RNF44: variants seen among roughly 807,000 people sequenced by gnomAD.
RNF44 encodes the protein ring finger protein 44.
In RNF44, 25 loss-of-function variants were observed where a neutral mutation model predicts 53.6. The observed-to-expected ratio is 0.47, with a 90% CI of 0.34 to 0.65. The LOEUF is 0.65. Ranked by LOEUF, RNF44 falls within the 30% of genes least tolerant of loss-of-function variation. The probability of loss-of-function intolerance (pLI) is 0.01; values close to 1 mark genes in which losing one functional copy is unlikely to be tolerated. For missense variants in RNF44, 581 were observed against 595.5 expected (o/e 0.98, Z 0.25); for synonymous variants, 282 against 252.2 (o/e 1.12, Z -1.12).
rs528071340 is a variant in RNF44 at position 176,532,211 on chromosome 5, G to A, written c.108-18C>T. 9.2e-5 allele frequency: 138 copies of A among 1,495,522 alleles called. 1 individual carries two copies. In the South Asian group the frequency reaches 1.2e-3, roughly 13 times the overall value. 92.6% of individuals were successfully genotyped at this position (1,495,522 alleles called of 1,614,324 possible). On this transcript the variant is annotated intron_variant, in intron 2 of 10. Coordinates refer to ENST00000274811, the MANE Select transcript of RNF44 (RefSeq NM_014901.5). The stretch of plus-strand genomic sequence containing the variant: ...GGCCAGGGCTGCACCACAGAGAGGA[G>A]GCCCCGATAGGACTGAGGGGGGCCA...
intron 9 of RNF44, 35 bp from the exon 10 acceptor site, chr5:176,529,422 A>G: frequency 6.2e-7 from 1 of 1,604,042 alleles, no homozygotes; most frequent in Non-Finnish European, 8.5e-7. Flanking sequence ...CTCCACGCTG[A>G]GGGCCATGGG....
Position 176,529,639 on chromosome 5 carries a change from G to A in RNF44, c.1020C>T (p.Leu340=). The A allele has an allele frequency of 1.2e-6, 2 of 1,613,906 alleles. No individual in the cohort carries two copies. Among genetic ancestry groups the A allele is most frequent in the Non-Finnish European group, 1.7e-6 (2 of 1,179,966 alleles). Residue 340 remains leucine (L), a synonymous_variant, in exon 9 of 11, where the codon CTC becomes CTT. Transcript: ENST00000274811. ...DDVEMENYEA[L]LNLAERLGDA... is the part of the protein sequence containing the mutation. ...CTCCCAGCCGCTCGGCCAGGTTCAGGAGGGCCTGCATGCGGGCAGGAGACG... is the reference window on the plus strand; with the variant it reads ...CTCCCAGCCGCTCGGCCAGGTTCAGAAGGGCCTGCATGCGGGCAGGAGACG...
chr5:176,530,509 A>G (rs1756542990), intron 6 of RNF44, 73 bp downstream of exon 6: 1 of 1,341,422 alleles, frequency 7.5e-7, no homozygotes, highest in Non-Finnish European at 9.6e-7. Context: ...CTGGGAGCCC[A>G]GATGCAGGTC....
Position 176,531,800 on chromosome 5 carries a change from A to G in RNF44, c.298-170T>C. ...CTCTACTCCCAGGCCCCCGGGGCAG[A>G]GAAAGCCCCGTGGGAATCTAGCTCT... is the stretch of plus-strand genomic sequence containing the variant. On this transcript the variant is annotated intron_variant, in intron 3 of 10. Coordinates refer to ENST00000274811, the MANE Select transcript of RNF44 (RefSeq NM_014901.5). This position sits in a 1 kb window ranked among gnomAD's most constrained non-coding sequence, Gnocchi z 4.2. 1 of 869,618 alleles carries G rather than the reference A, an allele frequency of 1.1e-6. No homozygotes were observed. Among genetic ancestry groups the G allele is most frequent in the Non-Finnish European group, 1.7e-6 (1 of 579,130 alleles). The allele number at this position is 869,618 out of a possible 1,614,324, so 53.9% of individuals were successfully genotyped here. A position where few individuals can be genotyped will look rare whatever the true frequency, so the allele number is the denominator to read the frequency against.
At chr5:176,540,522 C>T (rs748716272), upstream of RNF44, among the ~76,000 whole-genome samples, 4 of 152,248 alleles carry the variant, frequency 2.6e-5, no homozygotes, top group Non-Finnish European at 5.9e-5. Context: ...CCTGCCCTGC[C>T]GGCTTGCGCT....
At position 176,531,345 on chromosome 5, in the gene RNF44, G is replaced by A; in HGVS notation, c.465+118C>T. On this transcript the variant is annotated intron_variant, in intron 4 of 10. Coordinates refer to ENST00000274811, the MANE Select transcript of RNF44 (RefSeq NM_014901.5). This position sits in a 1 kb window ranked among gnomAD's most constrained non-coding sequence, Gnocchi z 4.2. The stretch of plus-strand genomic sequence containing the variant: ...CCTGGGGAGGCCAGGCAGGCGCTCT[G>A]ACAGCCTGGATGGCTGGATAGCTCA... The A allele has an allele frequency of 9.7e-7, 1 of 1,028,996 alleles. No homozygotes were observed. The allele number at this position is 1,028,996 out of a possible 1,614,324, so 63.7% of individuals were successfully genotyped here.
chr5:176,532,198 A>T lies in RNF44; in HGVS notation c.108-5T>A. ...AGGGGGCCCTCGAGGCCAGGGCTGC[A>T]CCACAGAGAGGAGGCCCCGATAGGA... On this transcript the variant is annotated splice_region_variant and splice_polypyrimidine_tract_variant and intron_variant, in intron 2 of 10. Coordinates refer to ENST00000274811, the MANE Select transcript of RNF44 (RefSeq NM_014901.5). The T allele has an allele frequency of 4.0e-6, 6 of 1,511,062 alleles. No homozygotes were observed. Among genetic ancestry groups the T allele is most frequent in the Non-Finnish European group, 5.3e-6 (6 of 1,131,184 alleles). 93.6% of individuals were successfully genotyped at this position (1,511,062 alleles called of 1,614,324 possible).
At position 176,537,138 on chromosome 5, in the gene RNF44, C is replaced by G. The variant is rs1016674040; in HGVS notation, c.-243G>C. ...GGGGCCTCTCTCTTTGTTGTCCGCC[C>G]GACGGCGTCTGCCTCGCGAGGCCCA... On this transcript the variant is annotated 5_prime_UTR_variant, in exon 1 of 11. Coordinates refer to ENST00000274811, the MANE Select transcript of RNF44 (RefSeq NM_014901.5). 5 of 152,400 alleles carry G rather than the reference C, an allele frequency of 3.3e-5. No homozygotes were observed. The highest frequency in any genetic ancestry group is 2.6e-4 in the Admixed American group (4 of 15,310). The allele number at this position is 152,400 out of a possible 1,614,324, so 9.4% of individuals were successfully genotyped here.
Position 176,530,109 on chromosome 5 carries a change from T to G in RNF44, c.899A>C (p.Tyr300Ser). ...GAAGTAGGGCAGGAAGCTGGGGTAG[T>G]AGGGTGGTGGGGGTGGGGGTGGGGG... ...PPPPPPPPPP[Y>S]YPSFLPYFLS... The change falls in exon 7 of 11, where the codon TAC becomes TCC. Residue 300 changes from tyrosine to serine, a missense_variant. Physicochemically the swap from Tyr to Ser is moderately radical, Grantham distance 144. Around this residue, in one of 3 missense-constraint regions of RNF44, gnomAD observed 183 missense variants for 198.6 expected, o/e 0.92. Transcript: ENST00000274811. 1 of 413,238 alleles carries G rather than the reference T, an allele frequency of 2.4e-6. No individual in the cohort carries two copies. The highest frequency in any genetic ancestry group is 2.8e-6 in the Non-Finnish European group (1 of 357,270). 25.6% of individuals were successfully genotyped at this position (413,238 alleles called of 1,614,324 possible).
At chr5:176,534,064 G>A (rs981452781) in intron 1 of RNF44, among the ~76,000 whole-genome samples, 1 of 152,212 alleles carries the variant, frequency 6.6e-6, no homozygotes, top group Non-Finnish European at 1.5e-5. Flanking sequence ...CACTTCACAA[G>A]CCTGGGCCCT....
intron 10 of RNF44, 29 bp downstream of exon 10, chr5:176,529,259 T>C (rs1223695796): frequency 6.3e-7 from 1 of 1,597,370 alleles, no homozygotes; most frequent in Middle Eastern, 1.7e-4. Flanking sequence ...GCATGAGGAA[T>C]ACCCAGGAGC....
At chr5:176,543,023 C>T (rs1757489409), upstream of RNF44, among the ~76,000 whole-genome samples, 1 of 151,702 alleles carries the variant, frequency 6.6e-6, no homozygotes, top group Non-Finnish European at 1.5e-5. The surrounding 1 kb of genome is among the most constrained non-coding windows in gnomAD (Gnocchi z 4.0). Flanking sequence ...CGCGGGGGCT[C>T]GGAGTTCCCC....
chr5:176,530,568 G>A lies in RNF44; in HGVS notation c.801+14C>T, dbSNP rs139198439. The A allele has an allele frequency of 8.8e-3, 12,485 of 1,416,508 alleles. 70 individuals carry two copies. Among genetic ancestry groups the A allele is most frequent in the Non-Finnish European group, 0.01 (11,058 of 1,085,214 alleles). 87.7% of individuals were successfully genotyped at this position (1,416,508 alleles called of 1,614,324 possible). ...CTGCCCTGGAGCCCAGGTGGGGGTC[G>A]GGGTGGCACTCACCACACCAAAGGA... On this transcript the variant is annotated intron_variant, in intron 6 of 10. Transcript: ENST00000274811.
In RNF44 at chr5:176,528,336, CA is replaced by C. The variant is rs1236768792; in HGVS notation, c.*691del. ...CTGGGAGGGACAACCACCGGGAACA[CA>C]GGGCTCCCTCTCCCCGTATGGCCCA... On this transcript the variant is annotated 3_prime_UTR_variant, in exon 11 of 11. Transcript: ENST00000274811. 1 of 152,234 alleles carries C rather than the reference CA, an allele frequency of 6.6e-6. No homozygotes were observed. The highest frequency in any genetic ancestry group is 1.5e-5 in the Non-Finnish European group (1 of 68,054). 9.4% of individuals were successfully genotyped at this position (152,234 alleles called of 1,614,324 possible).
rs374994919 is a variant in RNF44 at position 176,529,438 on chromosome 5, T to C, written c.1137-51A>G. ...TCCACGCTGAGGGCCATGGGAAGGC[T>C]CAGTGGAGTGTGACTCCCCTGAGAG... is the stretch of plus-strand genomic sequence containing the variant. On this transcript the variant is annotated intron_variant, in intron 9 of 10. Transcript: ENST00000274811. The C allele has an allele frequency of 2.2e-5, 36 of 1,605,560 alleles. No homozygotes were observed. In the African/African-American group the frequency reaches 4.7e-4, roughly 21 times the overall value.
At chr5:176,540,994 T>C (rs1294774929), upstream of RNF44, among the ~76,000 whole-genome samples, 1 of 152,198 alleles carries the variant, frequency 6.6e-6, no homozygotes, top group Non-Finnish European at 1.5e-5. Context: ...TGTGGGGACG[T>C]GGCCTGCACA....
chr5:176,532,583 A>T, intron 1 of RNF44, 67 bp from the exon 2 acceptor site: 1 of 1,364,404 alleles, frequency 7.3e-7, no homozygotes, highest in South Asian at 1.5e-5. Context: ...TCTCTGCTAA[A>T]AATACAAAAA....
upstream of RNF44, among the ~76,000 whole-genome samples, chr5:176,542,304 T>C (rs1581122336): frequency 6.6e-6 from 1 of 151,910 alleles, no homozygotes; most frequent in East Asian, 1.9e-4. Flanking sequence ...GTAAGGTCTG[T>C]GAGGCTGTTT....
At position 176,529,455 on chromosome 5, in the gene RNF44, C is replaced by T. The variant is rs148133943; in HGVS notation, c.1136+68G>A. On this transcript the variant is annotated intron_variant, in intron 9 of 10. Coordinates refer to ENST00000274811, the MANE Select transcript of RNF44 (RefSeq NM_014901.5). ...GGGAAGGCTCAGTGGAGTGTGACTC[C>T]CCTGAGAGGGGCGTCCCACGGCAGC... 193 of 1,607,012 alleles carry T rather than the reference C, an allele frequency of 1.2e-4. 1 individual carries two copies. In the African/African-American group the frequency reaches 2.3e-3, roughly 19 times the overall value.
Sources: allele counts gnomAD v4.1 joint callset (sites outside exome capture counted in the v4.1 genomes callset), GRCh38; gene constraint gnomAD v4.1.1; regional missense constraint gnomAD v4.1.1; non-coding constraint Gnocchi (gnomAD v3.1); transcripts MANE v1.5; gene names NCBI Gene and HGNC (gene_info 2026-07-23, HGNC 2026-07-21).